The following PTPRJ variants were observed in gnomAD, a reference collection of about 807,000 sequenced individuals.
The protein encoded by PTPRJ is protein tyrosine phosphatase receptor type J, also known as receptor-type tyrosine-protein phosphatase eta.
Under a neutral mutation model 141.3 loss-of-function variants are expected in PTPRJ, and 129 were observed. The ratio of observed to expected loss-of-function variants is 0.91; its 90% CI spans 0.79 to 1.06. The LOEUF is 1.06. PTPRJ is among the 50% of genes least tolerant of loss of function. PTPRJ has a pLI of 0.00. For synonymous variants in PTPRJ, 610 were observed against 640.5 expected (o/e 0.95, Z 0.72); for missense variants, 1,601 against 1,679.7 (o/e 0.95, Z 0.82).
intron 2 of PTPRJ, among the ~76,000 whole-genome samples, chr11:48,110,929 A>T (rs1262740536): frequency 7.2e-5 from 11 of 152,246 alleles, no homozygotes; most frequent in Admixed American, 5.9e-4. Flanking sequence ...AGTTGAAAGC[A>T]CCATCCATCC....
intron 1 of PTPRJ, among the ~76,000 whole-genome samples, chr11:48,098,328 T>C (rs141458291): frequency 3.9e-5 from 6 of 152,336 alleles, no homozygotes; most frequent in Non-Finnish European, 8.8e-5. Flanking sequence ...CAGTTTCTAC[T>C]GTAACTAGCG....
At chr11:48,102,491 C>T (rs557552504) in intron 1 of PTPRJ, among the ~76,000 whole-genome samples, 7 of 152,220 alleles carry the variant, frequency 4.6e-5, no homozygotes, top group Non-Finnish European at 7.4e-5. Context: ...TCACTGCAAC[C>T]TCTGCCTCCC....
At position 48,149,974 on chromosome 11, in the gene PTPRJ, C is replaced by T. The variant is rs1343980612; in HGVS notation, c.3042-16C>T. ...TTTCTAATTGCATATTTTTTCTTTC[C>T]CTTTCTATCATGAAGACCTAAAAAG... On this transcript the variant is annotated splice_polypyrimidine_tract_variant and intron_variant, in intron 16 of 24. Coordinates refer to ENST00000418331, the MANE Select transcript of PTPRJ (RefSeq NM_002843.4). 2 of 1,443,968 alleles carry T rather than the reference C, an allele frequency of 1.4e-6. No individual in the cohort carries two copies. Among genetic ancestry groups the T allele is most frequent in the African/African-American group, 1.4e-5 (1 of 69,934 alleles). 89.4% of individuals were successfully genotyped at this position (1,443,968 alleles called of 1,614,324 possible). A position where few individuals can be genotyped will look rare whatever the true frequency, so the allele number is the denominator to read the frequency against.
intron 1 of PTPRJ, among the ~76,000 whole-genome samples, chr11:48,007,193 C>G (rs1384517879): frequency 5.9e-5 from 9 of 151,918 alleles, no homozygotes; most frequent in African/African-American, 2.2e-4. Context: ...CTCCGCCTCC[C>G]GGGTTCACGC....
intron 1 of PTPRJ, among the ~76,000 whole-genome samples, chr11:48,022,184 C>A (rs191356304): frequency 7.0e-6 from 1 of 143,234 alleles, no homozygotes; most frequent in East Asian, 2.0e-4. Flanking sequence ...ATGATGAAGT[C>A]CGGGCGCGGT....
intron 6 of PTPRJ, among the ~76,000 whole-genome samples, chr11:48,126,165 C>G (rs1395370916): frequency 1.3e-5 from 2 of 152,156 alleles, no homozygotes; most frequent in African/African-American, 2.4e-5. Context: ...GCACCCAGGG[C>G]TGGGTCCAGC....
At chr11:48,139,801 C>A in intron 11 of PTPRJ, 25 bp downstream of exon 11, 2 of 1,611,052 alleles carry the variant, frequency 1.2e-6, no homozygotes. Flanking sequence ...AGGGGCTGGT[C>A]AGTTGGCACT....
chr11:48,090,460 G>C (rs1032394192), intron 1 of PTPRJ, among the ~76,000 whole-genome samples: 1 of 152,172 alleles, frequency 6.6e-6, no homozygotes, highest in Non-Finnish European at 1.5e-5. Context: ...AGAAGGCTTC[G>C]ATGTCATCTT....
In PTPRJ at chr11:48,167,601, C is replaced by CTTTT; in HGVS notation, c.*249_*252dup. On this transcript the variant is annotated 3_prime_UTR_variant, in exon 25 of 25. Coordinates refer to ENST00000418331, the MANE Select transcript of PTPRJ (RefSeq NM_002843.4). ...CCTGATGACCAATGGGATGAGGTCA[C>CTTTT]TTTTTTTTTTTTTCCCCCTTGAGGA... is the stretch of plus-strand genomic sequence containing the variant. 3.4e-6 allele frequency: 1 copy of CTTTT among 297,528 alleles called. No individual in the cohort carries two copies. Among genetic ancestry groups the CTTTT allele is most frequent in the Non-Finnish European group, 6.0e-6 (1 of 166,838 alleles). 18.4% of individuals were successfully genotyped at this position (297,528 alleles called of 1,614,324 possible). A position where few individuals can be genotyped will look rare whatever the true frequency, so the allele number is the denominator to read the frequency against.
intron 1 of PTPRJ, among the ~76,000 whole-genome samples, chr11:48,063,188 CG>C (rs1565284151): frequency 6.6e-6 from 1 of 151,912 alleles, no homozygotes; most frequent in Non-Finnish European, 1.5e-5. Flanking sequence ...ATTAGCTGGG[CG>C]TGGTGGCACA....
At chr11:48,088,505 G>T (rs1490750113) in intron 1 of PTPRJ, among the ~76,000 whole-genome samples, 1 of 152,136 alleles carries the variant, frequency 6.6e-6, no homozygotes, top group Non-Finnish European at 1.5e-5. Flanking sequence ...TGGTAACTTG[G>T]CAAACAGCTC....
At chr11:47,989,500 A>G (rs1223353653) in intron 1 of PTPRJ, among the ~76,000 whole-genome samples, 1 of 139,896 alleles carries the variant, frequency 7.1e-6, no homozygotes, top group East Asian at 2.2e-4. Context: ...CTGGTCTTGA[A>G]CTCCTGATCT....
chr11:48,000,661 A>G (rs1215290773), intron 1 of PTPRJ, among the ~76,000 whole-genome samples: 2 of 151,798 alleles, frequency 1.3e-5, no homozygotes, highest in Non-Finnish European at 1.5e-5. Flanking sequence ...TACAACAGAC[A>G]CTTGAACCTA....
At chr11:48,033,836 GA>G (rs1434979843) in intron 1 of PTPRJ, among the ~76,000 whole-genome samples, 1 of 152,216 alleles carries the variant, frequency 6.6e-6, no homozygotes. Flanking sequence ...GAACTAGGAA[GA>G]CACCTACCGG....
intron 1 of PTPRJ, among the ~76,000 whole-genome samples, chr11:48,023,363 A>C (rs1455948272): frequency 6.6e-6 from 1 of 152,140 alleles, no homozygotes; most frequent in Non-Finnish European, 1.5e-5. Context: ...ACGCCCCTTC[A>C]TTCATTTGTA....
Position 48,053,460 on chromosome 11 carries a change from T to TA in PTPRJ, c.97-56597dup, listed in dbSNP as rs1301194371. ...ATATTATATATTATATACTATATATTATATATAATATATAAAAAATATATA... is the reference window on the plus strand; with the variant it reads ...ATATTATATATTATATACTATATATTAATATATAATATATAAAAAATATATA... On this transcript the variant is annotated intron_variant, in intron 1 of 24. Transcript: ENST00000418331. Among the ~76,000 whole-genome samples the TA allele has an allele frequency of 2.2e-3, 251 of 116,100 alleles. 3 individuals carry two copies. The highest frequency in any genetic ancestry group is 0.011 in the Middle Eastern group (3 of 268). The allele number at this position is 116,100 out of a possible 152,430, so 76.2% of individuals were successfully genotyped here. A position where few individuals can be genotyped will look rare whatever the true frequency, so the allele number is the denominator to read the frequency against.
In PTPRJ at chr11:48,060,356, T is replaced by C. The variant is rs544210017; in HGVS notation, c.97-49702T>C. On this transcript the variant is annotated intron_variant, in intron 1 of 24. Transcript: ENST00000418331. ...TTCCATTAAAGTGTGGATGGTGTAC[T>C]GTAAACAAAGACTAGCTCTCTTGAG... Among the ~76,000 whole-genome samples the C allele has an allele frequency of 7.2e-5, 11 of 152,330 alleles. No homozygotes were observed. In the South Asian group the frequency reaches 2.3e-3, roughly 32 times the overall value.
chr11:48,090,547 G>C (rs1479251292), intron 1 of PTPRJ, among the ~76,000 whole-genome samples: 1 of 152,198 alleles, frequency 6.6e-6, no homozygotes, highest in African/African-American at 2.4e-5. Flanking sequence ...TGTCCTCCCA[G>C]ACTAGCAGTA....
At chr11:48,125,353 A>G (rs993771946) in intron 6 of PTPRJ, among the ~76,000 whole-genome samples, 167 bp downstream of exon 6, 2 of 152,130 alleles carry the variant, frequency 1.3e-5, no homozygotes, top group Non-Finnish European at 2.9e-5. Flanking sequence ...GTTTCTTCTT[A>G]ACTCCATGGG....
Sources: gnomAD v4.1 joint callset for allele counts (sites outside exome capture counted in the v4.1 genomes callset) on GRCh38, gnomAD v4.1.1 for gene constraint, MANE v1.5 for transcripts, NCBI Gene and HGNC (gene_info 2026-07-23, HGNC 2026-07-21) for gene names.